The following FAM153A variants were observed in gnomAD, a reference collection of about 807,000 sequenced individuals.
FAM153A encodes the protein protein FAM153A.
A neutral mutation model predicts 48.1 loss-of-function variants in FAM153A; 12 were observed. The ratio of observed to expected loss-of-function variants is 0.25; its 90% confidence interval spans 0.16 to 0.40. The LOEUF is 0.40. FAM153A is among the 10% of genes least tolerant of loss of function. The probability of loss-of-function intolerance (pLI) is 1.00; values close to 1 mark genes in which losing one functional copy is unlikely to be tolerated. For missense variants in FAM153A, 111 were observed against 345.8 expected (o/e 0.32, Z 5.38); for synonymous variants, 36 against 118.2 (o/e 0.30, Z 4.51).
intron 10 of FAM153A, among the ~76,000 whole-genome samples, 153 bp downstream of exon 12, chr5:177,738,960 C>T (rs1384257191): frequency 2.7e-5 from 4 of 148,866 alleles, no homozygotes; most frequent in African/African-American, 7.6e-5. Flanking sequence ...GGTCACCACT[C>T]GTCAGTACAC....
In FAM153A at chr5:177,765,583, T is replaced by C. The variant is rs1439433413; in HGVS notation, c.-57+14866A>G. Among the ~76,000 whole-genome samples the C allele has an allele frequency of 1.5e-4, 19 of 125,838 alleles. 1 individual carries two copies. In the East Asian group the frequency reaches 1.5e-3, roughly 10 times the overall value. 82.6% of individuals were successfully genotyped at this position (125,838 alleles called of 152,430 possible). ...TGGCTGGCTTAGATGAGGACCACTG[T>C]GAACACCTTTGCAGGCCTGGATGAA... On this transcript the variant is annotated intron_variant, in intron 1 of 8. Transcript: ENST00000393518.
chr5:177,754,577 G>A (rs1358473493), upstream of FAM153A, among the ~76,000 whole-genome samples: 2 of 151,904 alleles, frequency 1.3e-5, no homozygotes, highest in African/African-American at 4.9e-5. Flanking sequence ...CTAACTGGGA[G>A]GCACCACCCA....
At chr5:177,738,796 C>T (rs1008411984) in intron 10 of FAM153A, among the ~76,000 whole-genome samples, 5 of 151,664 alleles carry the variant, frequency 3.3e-5, no homozygotes, top group African/African-American at 4.9e-5. Flanking sequence ...GAGCTGTGCA[C>T]ATGGAAGCAT....
chr5:177,701,583 T>A, the FAM153A span, among the ~76,000 whole-genome samples: 1 of 111,232 alleles, frequency 9.0e-6, no homozygotes, highest in African/African-American at 3.3e-5. Flanking sequence ...AGATAAATTT[T>A]AAAAAATAAA....
At chr5:177,757,563 A>T (rs1276130660), upstream of FAM153A, among the ~76,000 whole-genome samples, 1 of 151,264 alleles carries the variant, frequency 6.6e-6, no homozygotes, top group Non-Finnish European at 1.5e-5. Context: ...ATGAACATCG[A>T]TGCAAAAATC....
intron 6 of FAM153A, among the ~76,000 whole-genome samples, chr5:177,743,537 A>T (rs200332715): frequency 0.15 from 16,135 of 105,348 alleles, 398 homozygotes; most frequent in South Asian, 0.22. Context: ...ATGAGGCCTC[A>T]ATGGAGAAAG....
the FAM153A span, among the ~76,000 whole-genome samples, chr5:177,702,266 CT>C: frequency 6.6e-6 from 1 of 151,756 alleles, no homozygotes; most frequent in Non-Finnish European, 1.5e-5. Context: ...CGTTGTGCCC[CT>C]GCCATAGGGA....
Position 177,759,190 on chromosome 5 carries a change from T to G in FAM153A, c.-56-10491A>C, listed in dbSNP as rs560696076. Reference sequence around the variant, plus strand: ...AGAGACACTTCTCAAAAGAAGACATTTATGCAGCCAACAGACACATGAAAA... The same window carrying G: ...AGAGACACTTCTCAAAAGAAGACATGTATGCAGCCAACAGACACATGAAAA... On this transcript the variant is annotated intron_variant, in intron 1 of 8. Transcript: ENST00000393518. Among the ~76,000 whole-genome samples the G allele has an allele frequency of 5.5e-3, 839 of 151,886 alleles. 4 individuals carry two copies. Among genetic ancestry groups the G allele is most frequent in the Non-Finnish European group, 7.4e-3 (506 of 68,002 alleles).
rs567415964 is a variant in FAM153A at position 177,753,089 on chromosome 5, T to A, written c.31+87A>T. ...GTAGACAAATAGGAGCTGGGGAAAT[T>A]AAAAAAATCAGAATGACATTTAACA... On this transcript the variant is annotated intron_variant, in intron 1 of 20. Coordinates refer to ENST00000614127, the Ensembl canonical transcript of FAM153A. The A allele has an allele frequency of 1.1e-3, 1,122 of 991,034 alleles. 11 individuals are homozygous for A. The African/African-American group carries it at 0.018, about 16-fold the overall frequency. 61.4% of individuals were successfully genotyped at this position (991,034 alleles called of 1,614,324 possible).
downstream of FAM153A, among the ~76,000 whole-genome samples, chr5:177,705,662 T>C (rs1407754395): frequency 1.6e-4 from 21 of 127,464 alleles, no homozygotes; most frequent in Non-Finnish European, 2.6e-4. Context: ...CTTTTTCTTT[T>C]TTTTTTTTTT....
upstream of FAM153A, among the ~76,000 whole-genome samples, chr5:177,754,971 G>A (rs55889831): frequency 0.27 from 40,227 of 151,692 alleles, 6,015 homozygotes; most frequent in South Asian, 0.4. Context: ...CCAGTAACGG[G>A]ACAAAGCTGG....
chr5:177,705,658 C>CTTTTTTTT (rs70994931), downstream of FAM153A, among the ~76,000 whole-genome samples: 6 of 79,820 alleles, frequency 7.5e-5, no homozygotes, highest in African/African-American at 2.0e-4. Flanking sequence ...TTTTCTTTTT[C>CTTTTTTTT]TTTTTTTTTT....
chr5:177,699,157 G>T, the FAM153A span, among the ~76,000 whole-genome samples: 2 of 151,530 alleles, frequency 1.3e-5, no homozygotes, highest in Non-Finnish European at 2.9e-5. Context: ...AGCAATTTAA[G>T]TTCATTAAAA....
upstream of FAM153A, among the ~76,000 whole-genome samples, chr5:177,756,028 G>T (rs1301889641): frequency 2.0e-5 from 3 of 149,946 alleles, no homozygotes; most frequent in Non-Finnish European, 4.4e-5. Context: ...CCAATTAAAA[G>T]ACACAGACTG....
intron 1 of FAM153A, among the ~76,000 whole-genome samples, chr5:177,759,651 C>A (rs1315424045): frequency 7.4e-4 from 112 of 151,604 alleles, no homozygotes; most frequent in Non-Finnish European, 1.2e-3. Context: ...ATGATGAGTT[C>A]ATGTCCTTTG....
the FAM153A span, among the ~76,000 whole-genome samples, chr5:177,698,404 T>C: frequency 1.3e-5 from 2 of 151,958 alleles, no homozygotes; most frequent in African/African-American, 2.4e-5. Flanking sequence ...GCCTGCCCTG[T>C]CCAGCTGAAC....
At chr5:177,766,006 A>C (rs1430694451) in intron 1 of FAM153A, among the ~76,000 whole-genome samples, 1 of 106,868 alleles carries the variant, frequency 9.4e-6, no homozygotes, top group African/African-American at 3.1e-5. Flanking sequence ...AATCCCAGCT[A>C]CTCAGGAGGC....
At chr5:177,698,994 T>A in the FAM153A span, among the ~76,000 whole-genome samples, 8 of 151,540 alleles carry the variant, frequency 5.3e-5, no homozygotes, top group Non-Finnish European at 5.9e-5. Context: ...AGAGGCAGGG[T>A]CTCACTATAT....
intron 1 of FAM153A, among the ~76,000 whole-genome samples, chr5:177,776,613 CACAA>C (rs1769335144): frequency 1.3e-5 from 1 of 77,240 alleles, no homozygotes; most frequent in Non-Finnish European, 2.5e-5. Context: ...TAAAAGAGGA[CACAA>C]ACAAATGGAA....
Sources: gnomAD v4.1 joint callset for allele counts (sites outside exome capture counted in the v4.1 genomes callset) on GRCh38, gnomAD v4.1.1 for gene constraint, MANE v1.5 for transcripts, NCBI Gene and HGNC (gene_info 2026-07-23, HGNC 2026-07-21) for gene names.